The following CLTC variants were observed in gnomAD, a reference collection of about 807,000 sequenced individuals.
The protein encoded by CLTC is clathrin heavy chain 1.
A neutral mutation model predicts 195.8 loss-of-function variants in CLTC; 16 were observed. The ratio of observed to expected loss-of-function variants is 0.08; its 90% CI spans 0.06 to 0.12. The LOEUF (loss-of-function observed/expected upper bound fraction) is 0.12. Ranked by LOEUF, CLTC falls within the 10% of genes least tolerant of loss-of-function variation. The probability of loss-of-function intolerance (pLI) is 1.00; values close to 1 mark genes in which losing one functional copy is unlikely to be tolerated. For missense variants in CLTC, 796 were observed against 2,027.0 expected (o/e 0.39, Z 11.66); for synonymous variants, 667 against 689.4 (o/e 0.97, Z 0.51).
At chr17:59,641,603 CAAAAAAAAAA>C (rs34208843) in intron 1 of CLTC, among the ~76,000 whole-genome samples, 2 of 48,848 alleles carry the variant, frequency 4.1e-5, no homozygotes, top group Admixed American at 3.2e-4. Context: ...GACTCCATCT[CAAAAAAAAAA>C]AAAAAAAAAA....
chr17:59,647,354 A>G, intron 2 of CLTC, 44 bp from the exon 3 acceptor site: 1 of 1,513,704 alleles, frequency 6.6e-7, no homozygotes, highest in Non-Finnish European at 9.1e-7. Context: ...TTCATTCTAA[A>G]CTTTACTCTT....
At chr17:59,660,344 T>C in intron 6 of CLTC, 47 bp from the exon 7 acceptor site, 1 of 1,482,258 alleles carries the variant, frequency 6.7e-7, no homozygotes, top group South Asian at 1.1e-5. Flanking sequence ...GTATCATTTG[T>C]ATCCAAATGA....
intron 28 of CLTC, 130 bp from the exon 29 acceptor site, chr17:59,684,926 T>C: frequency 1.6e-6 from 1 of 639,074 alleles, no homozygotes; most frequent in Non-Finnish European, 2.4e-6. Flanking sequence ...AAATGAAAAA[T>C]CATACCTTTT....
intron 1 of CLTC, among the ~76,000 whole-genome samples, chr17:59,625,174 T>G (rs956067807): frequency 1.3e-5 from 2 of 152,010 alleles, no homozygotes; most frequent in Admixed American, 6.6e-5. Flanking sequence ...CAATGGTGGA[T>G]CTCGGCTCAT....
intron 14 of CLTC, among the ~76,000 whole-genome samples, chr17:59,671,949 C>T (rs967153422): frequency 6.6e-6 from 1 of 152,102 alleles, no homozygotes; most frequent in Admixed American, 6.6e-5. Flanking sequence ...ACGTCTCCTC[C>T]CACTAGAATG....
At chr17:59,651,060 A>G (rs894947083) in intron 4 of CLTC, 143 bp from the exon 5 acceptor site, 2 of 530,094 alleles carry the variant, frequency 3.8e-6, no homozygotes, top group African/African-American at 3.9e-5. Context: ...CAAGTATTCC[A>G]TGGTATGGAT....
intron 1 of CLTC, among the ~76,000 whole-genome samples, chr17:59,642,252 TG>T (rs1310753735): frequency 6.6e-6 from 1 of 152,130 alleles, no homozygotes; most frequent in Non-Finnish European, 1.5e-5. Flanking sequence ...CAGTTAGTAG[TG>T]TCTGTGGTTT....
intron 31 of CLTC, among the ~76,000 whole-genome samples, chr17:59,691,171 A>T (rs2143614951): frequency 6.6e-6 from 1 of 152,350 alleles, no homozygotes; most frequent in African/African-American, 2.4e-5. Flanking sequence ...AGGATCTTCA[A>T]ACTCTCAAGT....
chr17:59,671,383 G>A (rs1224729398), intron 14 of CLTC, among the ~76,000 whole-genome samples: 3 of 152,040 alleles, frequency 2.0e-5, no homozygotes, highest in Non-Finnish European at 1.5e-5. Context: ...AATTTTAGAG[G>A]TACTAGCTAC....
In CLTC at chr17:59,647,286, C is replaced by T. The variant is rs548341941; in HGVS notation, c.251-112C>T. The T allele has an allele frequency of 2.4e-4, 186 of 789,130 alleles. No individual in the cohort carries two copies. In the Admixed American group the frequency reaches 3.0e-3, roughly 13 times the overall value. The allele number at this position is 789,130 out of a possible 1,614,324, so 48.9% of individuals were successfully genotyped here. On this transcript the variant is annotated intron_variant, in intron 2 of 31. Transcript: ENST00000269122. The stretch of plus-strand genomic sequence containing the variant: ...AATGGTTGCTGCTGTATCGATGCAA[C>T]TCGTCTCGTAATAGAACTATTTTTG...
At chr17:59,659,815 C>T (rs771956322) in intron 6 of CLTC, among the ~76,000 whole-genome samples, 2 of 151,966 alleles carry the variant, frequency 1.3e-5, no homozygotes, top group Non-Finnish European at 2.9e-5. Flanking sequence ...TGGTCCCTCC[C>T]TTCATTGAGT....
chr17:59,647,792 C>CTT, intron 3 of CLTC, 126 bp downstream of exon 3: 1 of 846,232 alleles, frequency 1.2e-6, no homozygotes, highest in East Asian at 2.6e-5. Flanking sequence ...TTTTGGAAGA[C>CTT]TTTTTTTTTC....
At chr17:59,627,731 G>T (rs2031594840) in intron 1 of CLTC, among the ~76,000 whole-genome samples, 1 of 152,216 alleles carries the variant, frequency 6.6e-6, no homozygotes, top group Admixed American at 6.5e-5. Flanking sequence ...TGTGCAGGAT[G>T]ATTGGGATCC....
Position 59,660,433 on chromosome 17 carries a change from A to G in CLTC, c.1012A>G (p.Ile338Val). The change falls in exon 7 of 32, where the codon ATC becomes GTC. Residue 338 changes from isoleucine to valine, a missense_variant. Around this residue, in one of 9 missense-constraint regions of CLTC, gnomAD observed 293 missense variants for 795.6 expected, o/e 0.37. Coordinates refer to ENST00000269122, the MANE Select transcript of CLTC (RefSeq NM_004859.4). ...CVEEENIIPY[I>V]TNVLQNPDLA... ...GGAAGAAGAAAACATAATTCCTTAC[A>G]TCACCAATGTTCTACAAAATCCTGA... 1.2e-6 allele frequency: 2 copies of G among 1,614,144 alleles called. No homozygotes were observed. The highest frequency in any genetic ancestry group is 2.2e-5 in the South Asian group (2 of 91,092).
rs745854838 is a variant in CLTC at position 59,694,307 on chromosome 17, T to C, written c.*455T>C. The C allele has an allele frequency of 8.1e-5, 18 of 221,836 alleles. No homozygotes were observed. Among genetic ancestry groups the C allele is most frequent in the Middle Eastern group, 1.3e-3 (1 of 754 alleles). The allele number at this position is 221,836 out of a possible 1,614,324, so 13.7% of individuals were successfully genotyped here. A position where few individuals can be genotyped will look rare whatever the true frequency, so the allele number is the denominator to read the frequency against. ...AAGCTAAAGCAAAAACACTGGCATA[T>C]GACCATGCAAGACTGTCAGTGCCAA... is the stretch of plus-strand genomic sequence containing the variant. On this transcript the variant is annotated 3_prime_UTR_variant, in exon 32 of 32. Coordinates refer to ENST00000269122, the MANE Select transcript of CLTC (RefSeq NM_004859.4).
rs1182421011 is a variant in CLTC at position 59,676,942 on chromosome 17, C to T, written c.2562-12C>T. ...AGTATGTGTGTGTGAGGTTTTTTTC[C>T]TTTTTTCCTAGATTGAAACTGCTTC... On this transcript the variant is annotated splice_polypyrimidine_tract_variant and intron_variant, in intron 16 of 31. Coordinates refer to ENST00000269122, the MANE Select transcript of CLTC (RefSeq NM_004859.4). The T allele has an allele frequency of 5.6e-6, 9 of 1,605,578 alleles. No homozygotes were observed. Among genetic ancestry groups the T allele is most frequent in the Admixed American group, 5.1e-5 (3 of 58,866 alleles).
chr17:59,661,932 G>T (rs1051407535), intron 8 of CLTC, among the ~76,000 whole-genome samples: 1 of 152,008 alleles, frequency 6.6e-6, no homozygotes, highest in East Asian at 1.9e-4. Flanking sequence ...GAGAAACCCC[G>T]TCTCTACTAA....
Position 59,681,048 on chromosome 17 carries a change from G to A in CLTC, c.3056G>A (p.Ser1019Asn). 2 of 1,613,794 alleles carry A rather than the reference G, an allele frequency of 1.2e-6. No individual in the cohort carries two copies. Among genetic ancestry groups the A allele is most frequent in the Non-Finnish European group, 8.5e-7 (1 of 1,179,780 alleles). Residue 1019 changes from serine to asparagine, a missense_variant, in exon 19 of 32, where the codon AGT becomes AAT. By Grantham distance (46) the Ser-to-Asn change is conservative. Transcript: ENST00000269122. The surrounding 1 kb of genome is among the most constrained non-coding windows in gnomAD (Gnocchi z 5.0). ...ATTGTCCTTGATAACTCTGTATTCAGTGAACACAGGTATGCTTTCAGAGGG... is the reference window on the plus strand; with the variant it reads ...ATTGTCCTTGATAACTCTGTATTCAATGAACACAGGTATGCTTTCAGAGGG... ...EKIVLDNSVF[S>N]EHRNLQNLLI...
intron 1 of CLTC, among the ~76,000 whole-genome samples, chr17:59,638,051 A>G (rs2031921572): frequency 6.6e-6 from 1 of 151,940 alleles, no homozygotes; most frequent in South Asian, 2.1e-4. Context: ...CTAATCTAGT[A>G]TCAGTAGTTG....
Sources: gnomAD v4.1 joint callset for allele counts (sites outside exome capture counted in the v4.1 genomes callset) on GRCh38, gnomAD v4.1.1 for gene constraint, gnomAD v4.1.1 regional missense constraint, Gnocchi (gnomAD v3.1) non-coding constraint, MANE v1.5 for transcripts, NCBI Gene and HGNC (gene_info 2026-07-23, HGNC 2026-07-21) for gene names.